Variants in CFAP299 observed in about 807,000 individuals in gnomAD.
CFAP299 encodes the protein cilia- and flagella-associated protein 299.
A neutral mutation model predicts 27.0 loss-of-function variants in CFAP299; 21 were observed. The ratio of observed to expected loss-of-function variants is 0.78; its 90% CI spans 0.55 to 1.12. The LOEUF is 1.12. CFAP299 is among the 50% of genes most tolerant of loss of function. CFAP299 has a pLI of 0.00. For missense variants in CFAP299, 310 were observed against 276.6 expected (o/e 1.12, Z -0.86); for synonymous variants, 104 against 98.1 (o/e 1.06, Z -0.36).
At chr4:80,362,693 A>G (rs1193863961) in intron 1 of CFAP299, 61 bp from the exon 2 acceptor site, 1 of 1,507,942 alleles carries the variant, frequency 6.6e-7, no homozygotes, top group Non-Finnish European at 8.8e-7. Context: ...AGATATAAGT[A>G]AGTAAGTAAA....
chr4:80,613,355 A>G (rs1196109211), intron 3 of CFAP299, among the ~76,000 whole-genome samples: 1 of 152,138 alleles, frequency 6.6e-6, no homozygotes, highest in Non-Finnish European at 1.5e-5. Flanking sequence ...TCTAAGGATA[A>G]TTAATACATT....
At chr4:80,497,666 A>G (rs901516599) in intron 2 of CFAP299, among the ~76,000 whole-genome samples, 3 of 152,138 alleles carry the variant, frequency 2.0e-5, no homozygotes, top group Non-Finnish European at 4.4e-5. Context: ...TAAAACTCAG[A>G]TCATACCATA....
At position 80,808,399 on chromosome 4, in the gene CFAP299, G is replaced by A. The variant is rs147814007; in HGVS notation, c.334-61594G>A. The stretch of plus-strand genomic sequence containing the variant: ...TTTAGCCTGAAATACTAAACATAGC[G>A]CTGTGATGTTGATCTGTATATTATT... On this transcript the variant is annotated intron_variant, in intron 3 of 5. Coordinates refer to ENST00000358105, the MANE Select transcript of CFAP299 (RefSeq NM_152770.3). Among the ~76,000 whole-genome samples the A allele has an allele frequency of 5.5e-3, 835 of 152,124 alleles. 4 individuals carry two copies. Among genetic ancestry groups the A allele is most frequent in the African/African-American group, 0.019 (791 of 41,526 alleles).
chr4:80,891,843 A>AG (rs1281196116), intron 4 of CFAP299, among the ~76,000 whole-genome samples: 1 of 147,242 alleles, frequency 6.8e-6, no homozygotes, highest in East Asian at 1.9e-4. Flanking sequence ...AAAAAAAAAA[A>AG]AAAAAAGAAA....
intron 2 of CFAP299, among the ~76,000 whole-genome samples, chr4:80,495,472 T>C (rs944001538): frequency 6.6e-6 from 1 of 152,232 alleles, no homozygotes; most frequent in Admixed American, 6.5e-5. Context: ...AATTTTCTAC[T>C]TAATTTATTT....
chr4:80,431,906 T>C (rs921282282), intron 2 of CFAP299, among the ~76,000 whole-genome samples: 1 of 152,186 alleles, frequency 6.6e-6, no homozygotes, highest in Non-Finnish European at 1.5e-5. Flanking sequence ...TTCCTCTACT[T>C]CCTGTGATAC....
intron 2 of CFAP299, among the ~76,000 whole-genome samples, chr4:80,558,421 G>A (rs1198807978): frequency 1.4e-5 from 2 of 146,322 alleles, no homozygotes; most frequent in African/African-American, 5.2e-5. Flanking sequence ...ATTATTAGTG[G>A]CAAGCAAAAC....
At chr4:80,857,072 T>A (rs79608906) in intron 3 of CFAP299, among the ~76,000 whole-genome samples, 54,661 of 152,044 alleles carry the variant, frequency 0.36, 14,477 homozygotes, top group African/African-American at 0.75. Context: ...TATCCTCTTT[T>A]ATTTCACTGA....
chr4:80,845,893 T>G (rs1306234099), intron 3 of CFAP299, among the ~76,000 whole-genome samples: 2 of 152,196 alleles, frequency 1.3e-5, no homozygotes, highest in Admixed American at 6.6e-5. Flanking sequence ...TGAAAAATTA[T>G]TTTTTCTTTC....
chr4:80,955,457 A>G (rs74465497), intron 5 of CFAP299, among the ~76,000 whole-genome samples: 3,192 of 152,286 alleles, frequency 0.021, 126 homozygotes, highest in African/African-American at 0.072. Context: ...AATGAATGAA[A>G]ATTGCTTCCT....
intron 2 of CFAP299, chr4:80,388,302 A>C (rs4693021): frequency 0.97 from 675,477 of 693,054 alleles, 330,346 homozygotes; most frequent in East Asian, 1. Context: ...GACATGAGCA[A>C]GTCATTGCTT....
chr4:80,675,826 G>A (rs1199865731), intron 3 of CFAP299, among the ~76,000 whole-genome samples: 1 of 152,224 alleles, frequency 6.6e-6, no homozygotes, highest in South Asian at 2.1e-4. Flanking sequence ...AAGGCTCCAC[G>A]GGTGTGGGAC....
intron 1 of CFAP299, among the ~76,000 whole-genome samples, chr4:80,355,445 C>T (rs1229141101): frequency 2.0e-5 from 3 of 150,416 alleles, no homozygotes; most frequent in Admixed American, 6.6e-5. Context: ...GCAACCTCCG[C>T]CTCCCGGGTT....
intron 2 of CFAP299, among the ~76,000 whole-genome samples, chr4:80,534,422 C>T (rs1560611888): frequency 6.6e-6 from 1 of 151,304 alleles, no homozygotes; most frequent in Non-Finnish European, 1.5e-5. Flanking sequence ...TCCATCTCAT[C>T]TAGCTTTTGG....
intron 3 of CFAP299, among the ~76,000 whole-genome samples, chr4:80,773,395 A>C (rs1329773458): frequency 6.6e-6 from 1 of 152,138 alleles, no homozygotes; most frequent in African/African-American, 2.4e-5. Context: ...TGAGCAGACT[A>C]GTCCTATTAG....
chr4:80,877,472 G>C (rs1239996046), intron 4 of CFAP299, among the ~76,000 whole-genome samples: 2 of 152,096 alleles, frequency 1.3e-5, no homozygotes, highest in Non-Finnish European at 2.9e-5. Flanking sequence ...TGCTTTAAAA[G>C]AAAAAGTCAG....
At chr4:80,370,594 A>C (rs1353366596) in intron 2 of CFAP299, among the ~76,000 whole-genome samples, 3 of 152,232 alleles carry the variant, frequency 2.0e-5, no homozygotes, top group African/African-American at 7.2e-5. Flanking sequence ...AAATCGGCCA[A>C]AAGAAAGGGG....
At chr4:80,394,050 C>T (rs541549211) in intron 2 of CFAP299, among the ~76,000 whole-genome samples, 6 of 152,208 alleles carry the variant, frequency 3.9e-5, no homozygotes, top group South Asian at 2.1e-4. Flanking sequence ...CTCCTCCACA[C>T]GCTCTCTTTC....
intron 2 of CFAP299, chr4:80,388,377 T>C: frequency 4.4e-6 from 3 of 682,888 alleles, no homozygotes; most frequent in Non-Finnish European, 5.4e-6. Context: ...ATCTGGCAAT[T>C]GGCAGGAGGC....
Sources: gnomAD v4.1 joint callset for allele counts (sites outside exome capture counted in the v4.1 genomes callset) on GRCh38, gnomAD v4.1.1 for gene constraint, MANE v1.5 for transcripts, NCBI Gene and HGNC (gene_info 2026-07-23, HGNC 2026-07-21) for gene names.